Variants in SAMD5 observed in about 807,000 individuals in gnomAD.
SAMD5 encodes the protein sterile alpha motif domain containing 5.
Under a neutral mutation model 11.3 loss-of-function variants are expected in SAMD5, and 13 were observed. The observed-to-expected ratio is 1.15, with a 90% CI of 0.75 to 1.83. The LOEUF is 1.83. Ranked by LOEUF, SAMD5 falls within the 40% of genes most tolerant of loss-of-function variation. The pLI is 0.00. For missense variants in SAMD5, 255 were observed against 239.1 expected (o/e 1.07, Z -0.44); for synonymous variants, 129 against 111.3 (o/e 1.16, Z -1.00).
At chr6:147,911,649 T>A in the SAMD5 span, among the ~76,000 whole-genome samples, 1 of 152,254 alleles carries the variant, frequency 6.6e-6, no homozygotes, top group Admixed American at 6.5e-5. Flanking sequence ...CTAGGAGATC[T>A]GCACAGAGTT....
intron 1 of SAMD5, among the ~76,000 whole-genome samples, chr6:147,514,946 C>T (rs1175103355): frequency 1.3e-5 from 2 of 151,966 alleles, no homozygotes; most frequent in African/African-American, 4.8e-5. Context: ...GTCACTGGGG[C>T]CAGGGTGAAA....
chr6:147,929,964 C>T, the SAMD5 span, among the ~76,000 whole-genome samples: 18,240 of 152,176 alleles, frequency 0.12, 1,195 homozygotes, highest in South Asian at 0.15. Flanking sequence ...GAGGAAAAAT[C>T]CTTTATTGTA....
chr6:147,671,881 T>C (rs1790799802), intron 1 of SAMD5, among the ~76,000 whole-genome samples: 2 of 149,086 alleles, frequency 1.3e-5, no homozygotes, highest in African/African-American at 2.5e-5. Context: ...TCATTTTTCT[T>C]TTTCAGGATT....
the SAMD5 span, among the ~76,000 whole-genome samples, chr6:147,929,344 T>C: frequency 6.6e-6 from 1 of 152,176 alleles, no homozygotes; most frequent in Non-Finnish European, 1.5e-5. Flanking sequence ...GGCCACATAA[T>C]GGTTGGCCAA....
At chr6:147,855,481 T>C in the SAMD5 span, among the ~76,000 whole-genome samples, 1 of 152,176 alleles carries the variant, frequency 6.6e-6, no homozygotes, top group Non-Finnish European at 1.5e-5. Context: ...ACTGAAATTA[T>C]ATCCCTTGCC....
chr6:147,727,930 C>T (rs1791652773), intron 1 of SAMD5, among the ~76,000 whole-genome samples: 1 of 152,190 alleles, frequency 6.6e-6, no homozygotes, highest in Non-Finnish European at 1.5e-5. Flanking sequence ...AATAGAAGTA[C>T]AGAATCTAGC....
At chr6:147,814,721 A>G in the SAMD5 span, among the ~76,000 whole-genome samples, 2 of 152,224 alleles carry the variant, frequency 1.3e-5, no homozygotes, top group African/African-American at 4.8e-5. Context: ...TCTTCTAAAA[A>G]CAATAATTTG....
At chr6:147,531,105 T>A (rs1788423291) in intron 1 of SAMD5, among the ~76,000 whole-genome samples, 2 of 152,142 alleles carry the variant, frequency 1.3e-5, no homozygotes, top group Admixed American at 6.5e-5. Flanking sequence ...ATTTTTCAGT[T>A]ATCCCAGGAC....
the SAMD5 span, among the ~76,000 whole-genome samples, chr6:147,912,911 A>G: frequency 6.6e-6 from 1 of 152,158 alleles, no homozygotes; most frequent in Non-Finnish European, 1.5e-5. Context: ...AAAAAAATCA[A>G]GAAAAATAAT....
At chr6:147,754,698 T>G in the SAMD5 span, among the ~76,000 whole-genome samples, 2 of 152,202 alleles carry the variant, frequency 1.3e-5, no homozygotes, top group Admixed American at 1.3e-4. Context: ...GTGTGAAGTC[T>G]TAGATTTAAG....
At chr6:147,821,368 G>A in the SAMD5 span, among the ~76,000 whole-genome samples, 1 of 152,118 alleles carries the variant, frequency 6.6e-6, no homozygotes, top group Non-Finnish European at 1.5e-5. Flanking sequence ...TACCCTTAAC[G>A]GTGTTTTAGC....
chr6:147,580,536 A>C (rs1192513848), intron 1 of SAMD5, among the ~76,000 whole-genome samples: 1 of 152,214 alleles, frequency 6.6e-6, no homozygotes, highest in Non-Finnish European at 1.5e-5. Context: ...GAAATGTTCT[A>C]TTCTGCGCTG....
chr6:147,829,125 A>G, the SAMD5 span, among the ~76,000 whole-genome samples: 2 of 152,236 alleles, frequency 1.3e-5, no homozygotes, highest in Non-Finnish European at 2.9e-5. Context: ...AGTTTAGGCC[A>G]AATGGAAGTC....
chr6:147,799,802 A>G, the SAMD5 span, among the ~76,000 whole-genome samples: 1,858 of 151,678 alleles, frequency 0.012, 47 homozygotes, highest in African/African-American at 0.042. Flanking sequence ...TTTCCTTCTC[A>G]CTTCATTTCA....
At chr6:147,833,955 C>T in the SAMD5 span, among the ~76,000 whole-genome samples, 4 of 152,162 alleles carry the variant, frequency 2.6e-5, no homozygotes, top group Non-Finnish European at 5.9e-5. Flanking sequence ...TAATGAAAGT[C>T]CCTGGTACAT....
At chr6:147,574,158 T>C (rs1215682410), downstream of SAMD5, among the ~76,000 whole-genome samples, 1 of 151,902 alleles carries the variant, frequency 6.6e-6, no homozygotes, top group African/African-American at 2.4e-5. Context: ...TTACATTCAT[T>C]ACTCAATTAC....
At chr6:147,884,803 A>C in the SAMD5 span, among the ~76,000 whole-genome samples, 1 of 152,212 alleles carries the variant, frequency 6.6e-6, no homozygotes, top group Non-Finnish European at 1.5e-5. Flanking sequence ...CCTGACAAAT[A>C]CTGAATTGAA....
the SAMD5 span, among the ~76,000 whole-genome samples, chr6:147,892,247 T>A: frequency 6.6e-6 from 1 of 152,242 alleles, no homozygotes; most frequent in Non-Finnish European, 1.5e-5. Context: ...AATACAGCAG[T>A]GACCTCGACA....
intron 1 of SAMD5, among the ~76,000 whole-genome samples, chr6:147,580,376 C>T (rs1789279334): frequency 6.6e-6 from 1 of 152,224 alleles, no homozygotes; most frequent in East Asian, 1.9e-4. Context: ...GTTATAAAGG[C>T]CAAAGACATA....
Sources: gnomAD v4.1 joint callset for allele counts (sites outside exome capture counted in the v4.1 genomes callset) on GRCh38, gnomAD v4.1.1 for gene constraint, MANE v1.5 for transcripts, NCBI Gene and HGNC (gene_info 2026-07-23, HGNC 2026-07-21) for gene names.